RPS6KC1: variants seen among roughly 807,000 people sequenced by gnomAD.
RPS6KC1 encodes inactive ribosomal protein S6 kinase delta-1.
RPS6KC1 carries 54 observed loss-of-function variants against 103.8 expected under a neutral mutation model. That is an observed-to-expected ratio of 0.52 (90% CI 0.42 to 0.65). The LOEUF (loss-of-function observed/expected upper bound fraction) is 0.65, where lower values mean the gene tolerates loss of function less well. Ranked by LOEUF, RPS6KC1 falls within the 30% of genes least tolerant of loss-of-function variation. The pLI, the probability that RPS6KC1 is intolerant of heterozygous loss-of-function variation, is 0.00. For synonymous variants in RPS6KC1, 439 were observed against 438.7 expected (o/e 1.00, Z -0.01); for missense variants, 1,151 against 1,253.8 (o/e 0.92, Z 1.24).
chr1:213,374,251 T>C, the RPS6KC1 span, among the ~76,000 whole-genome samples: 3 of 152,220 alleles, frequency 2.0e-5, no homozygotes, highest in Admixed American at 1.3e-4. Context: ...ATCAAATAAA[T>C]CTGGATCAGT....
intron 6 of RPS6KC1, among the ~76,000 whole-genome samples, chr1:213,138,908 C>T (rs1456756899): frequency 6.6e-6 from 1 of 152,108 alleles, no homozygotes; most frequent in Non-Finnish European, 1.5e-5. Flanking sequence ...GTTCTATTTT[C>T]AGTTCTTTGA....
At chr1:213,298,686 A>G in the RPS6KC1 span, among the ~76,000 whole-genome samples, 5 of 151,954 alleles carry the variant, frequency 3.3e-5, no homozygotes, top group African/African-American at 7.3e-5. Flanking sequence ...TCTTTCAGCA[A>G]TCATCTTTTT....
the RPS6KC1 span, among the ~76,000 whole-genome samples, chr1:213,384,217 C>G: frequency 2.0e-5 from 3 of 151,876 alleles, no homozygotes; most frequent in Non-Finnish European, 4.4e-5. Context: ...TGGAGCTTGC[C>G]GTGAGCTGAG....
the RPS6KC1 span, among the ~76,000 whole-genome samples, chr1:213,726,521 T>C: frequency 1.3e-5 from 2 of 152,238 alleles, no homozygotes; most frequent in African/African-American, 4.8e-5. Context: ...GACAAACATG[T>C]CTCTAATTCT....
chr1:213,577,672 G>A, the RPS6KC1 span, among the ~76,000 whole-genome samples: 1 of 152,206 alleles, frequency 6.6e-6, no homozygotes, highest in Non-Finnish European at 1.5e-5. Flanking sequence ...CTAGAGATCT[G>A]TGGAACTTTG....
chr1:213,716,861 T>C, the RPS6KC1 span, among the ~76,000 whole-genome samples: 1 of 152,234 alleles, frequency 6.6e-6, no homozygotes, highest in Non-Finnish European at 1.5e-5. Context: ...AACATCCCTA[T>C]GAAAAATACT....
intron 3 of RPS6KC1, among the ~76,000 whole-genome samples, chr1:213,104,240 C>G (rs2082268306): frequency 6.6e-6 from 1 of 152,136 alleles, no homozygotes; most frequent in African/African-American, 2.4e-5. Context: ...TCGGTTGACA[C>G]CTTTGTCTCT....
the RPS6KC1 span, among the ~76,000 whole-genome samples, chr1:213,495,133 T>A: frequency 6.6e-6 from 1 of 152,174 alleles, no homozygotes; most frequent in African/African-American, 2.4e-5. Context: ...CATAGGTACA[T>A]TTTGAAAGAT....
the RPS6KC1 span, among the ~76,000 whole-genome samples, chr1:213,360,309 A>G: frequency 6.6e-6 from 1 of 151,956 alleles, no homozygotes; most frequent in Admixed American, 6.5e-5. Flanking sequence ...CATTCATTTG[A>G]TCTTCCATCA....
At chr1:213,061,649 A>G (rs1237585636) in intron 1 of RPS6KC1, among the ~76,000 whole-genome samples, 6 of 151,980 alleles carry the variant, frequency 3.9e-5, no homozygotes, top group Non-Finnish European at 8.8e-5. Flanking sequence ...GTTAACATGA[A>G]AGTATGGATT....
chr1:213,356,128 A>G, the RPS6KC1 span, among the ~76,000 whole-genome samples: 4 of 152,218 alleles, frequency 2.6e-5, no homozygotes, highest in African/African-American at 9.6e-5. Context: ...CTTTGAGCTT[A>G]CAGTCTAGTG....
intron 6 of RPS6KC1, among the ~76,000 whole-genome samples, chr1:213,146,676 C>T (rs545764411): frequency 7.2e-5 from 11 of 151,938 alleles, no homozygotes; most frequent in South Asian, 2.1e-4. Context: ...CTGCCCACGT[C>T]GGCCTCCCAA....
the RPS6KC1 span, among the ~76,000 whole-genome samples, chr1:213,512,124 C>A: frequency 1.3e-5 from 2 of 152,318 alleles, no homozygotes; most frequent in South Asian, 2.1e-4. Flanking sequence ...TGGGGACATT[C>A]ATTCACAATT....
the RPS6KC1 span, among the ~76,000 whole-genome samples, chr1:213,722,307 A>G: frequency 6.6e-6 from 1 of 152,122 alleles, no homozygotes; most frequent in African/African-American, 2.4e-5. Flanking sequence ...CCAGTACCCA[A>G]ACTTTCCTCT....
chr1:213,120,191 G>A (rs1175974939), intron 5 of RPS6KC1, among the ~76,000 whole-genome samples: 1 of 152,148 alleles, frequency 6.6e-6, no homozygotes, highest in African/African-American at 2.4e-5. Context: ...GTGCGGTTTA[G>A]TTTTTCAACT....
chr1:213,257,501 TA>T (rs1194338946), intron 12 of RPS6KC1, among the ~76,000 whole-genome samples: 5 of 152,172 alleles, frequency 3.3e-5, no homozygotes, highest in African/African-American at 1.2e-4. Context: ...CCTGGGCACA[TA>T]AATACAATAT....
the RPS6KC1 span, among the ~76,000 whole-genome samples, chr1:213,351,947 G>C: frequency 3.3e-5 from 5 of 152,024 alleles, no homozygotes; most frequent in East Asian, 9.7e-4. Flanking sequence ...CTGGGCTGGA[G>C]GTGGTGGGAG....
chr1:213,726,268 G>C, the RPS6KC1 span, among the ~76,000 whole-genome samples: 3 of 152,076 alleles, frequency 2.0e-5, no homozygotes, highest in South Asian at 6.2e-4. Flanking sequence ...AATTTTTCTG[G>C]AGAGAGGGGT....
intron 8 of RPS6KC1, among the ~76,000 whole-genome samples, chr1:213,179,504 ACTAC>A (rs2092121910): frequency 6.6e-6 from 1 of 152,164 alleles, no homozygotes; most frequent in Non-Finnish European, 1.5e-5. Flanking sequence ...TGTACTGAGG[ACTAC>A]CTAAAATTTG....
Sources: allele counts gnomAD v4.1 joint callset (sites outside exome capture counted in the v4.1 genomes callset), GRCh38; gene constraint gnomAD v4.1.1; transcripts MANE v1.5; gene names NCBI Gene and HGNC (gene_info 2026-07-23, HGNC 2026-07-21).